Variants in SLC25A21 observed in about 807,000 individuals in gnomAD.
SLC25A21 encodes mitochondrial 2-oxodicarboxylate carrier.
SLC25A21 carries 47 observed loss-of-function variants against 43.8 expected under a neutral mutation model. The observed-to-expected ratio is 1.07, with a 90% CI of 0.85 to 1.37. The LOEUF (loss-of-function observed/expected upper bound fraction) is 1.37, where lower values mean the gene tolerates loss of function less well. SLC25A21 is among the 40% of genes most tolerant of loss of function. The pLI is 0.00. For synonymous variants in SLC25A21, 131 were observed against 121.3 expected (o/e 1.08, Z -0.52); for missense variants, 352 against 350.2 (o/e 1.00, Z -0.04).
At chr14:36,911,829 C>T (rs1342188057) in intron 1 of SLC25A21, among the ~76,000 whole-genome samples, 2 of 152,130 alleles carry the variant, frequency 1.3e-5, no homozygotes, top group African/African-American at 4.8e-5. Context: ...ACTTTAAGCT[C>T]CTAGGTTTTG....
intron 1 of SLC25A21, among the ~76,000 whole-genome samples, chr14:37,119,451 G>A (rs1352510526): frequency 6.6e-6 from 1 of 152,132 alleles, no homozygotes; most frequent in African/African-American, 2.4e-5. Context: ...CAGCTACTCA[G>A]GAGGCTGAGG....
At chr14:37,008,037 G>T (rs1411755182) in intron 1 of SLC25A21, among the ~76,000 whole-genome samples, 1 of 151,862 alleles carries the variant, frequency 6.6e-6, no homozygotes, top group Non-Finnish European at 1.5e-5. Context: ...ACTACGGCTG[G>T]CTAATTTTGT....
intron 2 of SLC25A21, among the ~76,000 whole-genome samples, chr14:36,861,305 A>G (rs183306889): frequency 2.0e-5 from 3 of 152,336 alleles, no homozygotes; most frequent in Admixed American, 1.3e-4. Context: ...AGGAAAAACA[A>G]TCTTCTAGAA....
chr14:36,893,297 C>A (rs1411539115), intron 1 of SLC25A21, among the ~76,000 whole-genome samples: 2 of 152,110 alleles, frequency 1.3e-5, no homozygotes, highest in Non-Finnish European at 2.9e-5. Flanking sequence ...CTCTGATGGC[C>A]AGTGATGGTG....
intron 1 of SLC25A21, among the ~76,000 whole-genome samples, chr14:37,133,810 G>C (rs1049721987): frequency 6.6e-6 from 1 of 152,032 alleles, no homozygotes; most frequent in East Asian, 1.9e-4. Flanking sequence ...CTGCCTACAT[G>C]TTCTTGTTTG....
chr14:36,990,645 G>A (rs1960242781), intron 1 of SLC25A21, among the ~76,000 whole-genome samples: 1 of 152,146 alleles, frequency 6.6e-6, no homozygotes, highest in Admixed American at 6.5e-5. Flanking sequence ...GGGGGGTCAA[G>A]GTGGGAGAAT....
At chr14:37,131,554 T>C (rs538290993) in intron 1 of SLC25A21, among the ~76,000 whole-genome samples, 1 of 152,286 alleles carries the variant, frequency 6.6e-6, no homozygotes, top group South Asian at 2.1e-4. Context: ...GACTTGTGGA[T>C]TTTTTTCACA....
At chr14:36,948,594 C>T (rs1269576110) in intron 1 of SLC25A21, among the ~76,000 whole-genome samples, 3 of 151,998 alleles carry the variant, frequency 2.0e-5, no homozygotes, top group Non-Finnish European at 4.4e-5. Flanking sequence ...ACAGTTACTC[C>T]ACAGTATCAA....
chr14:37,074,207 T>TA (rs201320139), intron 1 of SLC25A21, among the ~76,000 whole-genome samples: 2,890 of 145,482 alleles, frequency 0.02, 68 homozygotes, highest in African/African-American at 0.062. Flanking sequence ...CAACTGCAGT[T>TA]AAAAAAAAAA....
At chr14:36,985,868 C>A (rs1480783266) in intron 1 of SLC25A21, among the ~76,000 whole-genome samples, 2 of 152,118 alleles carry the variant, frequency 1.3e-5, no homozygotes, top group African/African-American at 2.4e-5. Context: ...TAATTAATAT[C>A]ATTATTTATT....
At chr14:36,704,669 A>AC (rs1398855285) in intron 7 of SLC25A21, among the ~76,000 whole-genome samples, 1 of 151,724 alleles carries the variant, frequency 6.6e-6, no homozygotes, top group Non-Finnish European at 1.5e-5. Flanking sequence ...AAAAAAAAAA[A>AC]AACAAAAAAG....
At chr14:37,050,974 A>G (rs1307782565) in intron 1 of SLC25A21, among the ~76,000 whole-genome samples, 2 of 152,220 alleles carry the variant, frequency 1.3e-5, no homozygotes, top group Non-Finnish European at 2.9e-5. Context: ...TAATACATCT[A>G]AAATAACTAC....
chr14:36,825,231 T>C (rs1221972646), intron 2 of SLC25A21, among the ~76,000 whole-genome samples: 1 of 151,984 alleles, frequency 6.6e-6, no homozygotes, highest in African/African-American at 2.4e-5. Flanking sequence ...ACTAATGAGC[T>C]CTGTAGCTTC....
At chr14:36,977,605 A>T (rs1469433007) in intron 1 of SLC25A21, among the ~76,000 whole-genome samples, 2 of 152,174 alleles carry the variant, frequency 1.3e-5, no homozygotes, top group Admixed American at 1.3e-4. Context: ...CAGGAGGAAG[A>T]TGTCACCACA....
At chr14:36,725,476 AAAATAAATAAAT>A (rs10607138) in intron 6 of SLC25A21, 82 bp downstream of exon 6, 46,851 of 358,726 alleles carry the variant, frequency 0.13, 4,249 homozygotes, top group Admixed American at 0.31. Flanking sequence ...ACTCTGTCCC[AAAATAAATAAAT>A]AAATAAATAA....
At chr14:37,100,081 TG>T (rs1351902913) in intron 1 of SLC25A21, among the ~76,000 whole-genome samples, 1 of 151,668 alleles carries the variant, frequency 6.6e-6, no homozygotes, top group Non-Finnish European at 1.5e-5. Context: ...TTTTTTGAGA[TG>T]GAGTCTCACT....
chr14:37,135,419 C>T (rs535335628), intron 1 of SLC25A21, among the ~76,000 whole-genome samples: 5 of 151,152 alleles, frequency 3.3e-5, no homozygotes, highest in South Asian at 2.1e-4. Context: ...TAATAAAAAA[C>T]GTTTTAATAG....
intron 7 of SLC25A21, among the ~76,000 whole-genome samples, chr14:36,706,120 A>AAACAG (rs1299863833): frequency 3.9e-5 from 6 of 152,200 alleles, no homozygotes; most frequent in Admixed American, 1.3e-4. Context: ...AAACAAAACA[A>AAACAG]AACACCCACC....
chr14:37,014,725 T>C (rs370332052), intron 1 of SLC25A21, among the ~76,000 whole-genome samples: 14 of 152,274 alleles, frequency 9.2e-5, no homozygotes, highest in African/African-American at 3.4e-4. Context: ...ATGGGAGCTA[T>C]AGCCTTCCAA....
Sources: gnomAD v4.1 joint callset for allele counts (sites outside exome capture counted in the v4.1 genomes callset) on GRCh38, gnomAD v4.1.1 for gene constraint, MANE v1.5 for transcripts, NCBI Gene and HGNC (gene_info 2026-07-23, HGNC 2026-07-21) for gene names.